The following ANK2 variants were observed in gnomAD, a reference collection of about 807,000 sequenced individuals.
ANK2 encodes ankyrin-2.
In ANK2, 83 loss-of-function variants were observed where a neutral mutation model predicts 360.5. The ratio of observed to expected loss-of-function variants is 0.23; its 90% CI spans 0.19 to 0.28. The LOEUF (loss-of-function observed/expected upper bound fraction) is 0.28. Among genes scored for constraint, ANK2 ranks in the 10% least tolerant of loss-of-function variants. ANK2 has a pLI of 1.00. For missense variants in ANK2, 4,201 were observed against 4,795.7 expected, an observed-to-expected ratio of 0.88 and a Z score of 3.66; for synonymous variants, 1,740 against 1,759.5, an observed-to-expected ratio of 0.99 and a Z score of 0.28.
the ANK2 span, among the ~76,000 whole-genome samples, chr4:112,730,252 C>CAAAAAAAAAAAAAA: frequency 7.9e-5 from 4 of 50,902 alleles, no homozygotes; most frequent in African/African-American, 8.4e-5. Flanking sequence ...GACTCTGTCT[C>CAAAAAAAAAAAAAA]AAAAAAAAAA....
At chr4:113,305,988 C>A (rs1320169885) in intron 23 of ANK2, among the ~76,000 whole-genome samples, 1 of 152,068 alleles carries the variant, frequency 6.6e-6, no homozygotes, top group African/African-American at 2.4e-5. Flanking sequence ...ATTGAGATAT[C>A]CTATCAGGCT....
intron 2 of ANK2, among the ~76,000 whole-genome samples, chr4:112,976,816 T>G (rs1312573548): frequency 2.0e-5 from 3 of 152,222 alleles, no homozygotes; most frequent in Non-Finnish European, 4.4e-5. Flanking sequence ...CAATTAAGTC[T>G]GCCCTTAGAA....
intron 1 of ANK2, among the ~76,000 whole-genome samples, chr4:112,819,154 A>G (rs775198552): frequency 7.4e-5 from 11 of 149,002 alleles, no homozygotes; most frequent in Middle Eastern, 3.5e-3. Context: ...TCCTGAGCAT[A>G]TAACATTAAG....
At chr4:113,351,084 T>C (rs956478420) in intron 37 of ANK2, among the ~76,000 whole-genome samples, 1 of 152,162 alleles carries the variant, frequency 6.6e-6, no homozygotes, top group African/African-American at 2.4e-5. Context: ...AGTGACTCTC[T>C]GGCTTCTTGT....
chr4:112,895,993 C>G (rs1328115723), intron 1 of ANK2, among the ~76,000 whole-genome samples: 1 of 152,184 alleles, frequency 6.6e-6, no homozygotes, highest in African/African-American at 2.4e-5. Context: ...CTCATTTTGC[C>G]TCAGCATGCT....
At chr4:112,900,082 G>T (rs908032336) in intron 1 of ANK2, among the ~76,000 whole-genome samples, 5 of 152,246 alleles carry the variant, frequency 3.3e-5, no homozygotes, top group African/African-American at 1.2e-4. Context: ...GGTGTCTCAT[G>T]TATCCACTTA....
At position 113,288,372 on chromosome 4, in the gene ANK2, T is replaced by G. The variant is rs770417604; in HGVS notation, c.2179-16T>G. On this transcript the variant is annotated splice_polypyrimidine_tract_variant and intron_variant, in intron 19 of 45. Coordinates refer to ENST00000357077, the MANE Select transcript of ANK2 (RefSeq NM_001148.6). ...TTCTACTTTATCTATTTTTAACTTT[T>G]TATTATTATTTACAGCTTGGTTACA... The G allele has an allele frequency of 2.5e-6, 4 of 1,605,542 alleles. No homozygotes were observed. Among genetic ancestry groups the G allele is most frequent in the Non-Finnish European group, 3.4e-6 (4 of 1,172,754 alleles).
At position 113,331,910 on chromosome 4, in the gene ANK2, G is replaced by A. The variant is rs1298825954; in HGVS notation, c.3126-62G>A. On this transcript the variant is annotated intron_variant, in intron 27 of 45. Transcript: ENST00000357077. ...TCAGCTGGCGACGCTGGGGTTCTGT[G>A]GAAGACAATACCTGAAGCTTACCTA... The A allele has an allele frequency of 8.8e-6, 13 of 1,473,234 alleles. 1 individual carries two copies. In the African/African-American group the frequency reaches 1.3e-4, roughly 14 times the overall value. The allele number at this position is 1,473,234 out of a possible 1,614,324, so 91.3% of individuals were successfully genotyped here. A position where few individuals can be genotyped will look rare whatever the true frequency, so the allele number is the denominator to read the frequency against.
chr4:113,316,664 A>G (rs2083131730), intron 24 of ANK2, among the ~76,000 whole-genome samples: 1 of 152,218 alleles, frequency 6.6e-6, no homozygotes, highest in Non-Finnish European at 1.5e-5. Context: ...TATTTTGAAC[A>G]CAGATCTTTA....
chr4:113,281,023 G>A (rs963289020), intron 17 of ANK2, among the ~76,000 whole-genome samples: 2 of 152,108 alleles, frequency 1.3e-5, no homozygotes, highest in African/African-American at 4.8e-5. Flanking sequence ...CCCTGAAAAG[G>A]CTTCCAAGCT....
chr4:113,167,278 A>C (rs1583605948), intron 1 of ANK2, among the ~76,000 whole-genome samples: 1 of 149,296 alleles, frequency 6.7e-6, no homozygotes, highest in South Asian at 2.1e-4. Flanking sequence ...ATGGGTTCTC[A>C]CTCTGTTGCC....
At chr4:112,864,946 G>A (rs2069752343) in intron 1 of ANK2, among the ~76,000 whole-genome samples, 1 of 146,810 alleles carries the variant, frequency 6.8e-6, no homozygotes, top group South Asian at 2.2e-4. Context: ...GCAGGAGAAT[G>A]GCGTGAACCC....
chr4:113,189,756 C>A (rs2153349885), intron 2 of ANK2, among the ~76,000 whole-genome samples: 2 of 152,256 alleles, frequency 1.3e-5, no homozygotes, highest in East Asian at 3.9e-4. Context: ...ACCGTTGGTG[C>A]CTGGAGGCAT....
At chr4:112,747,770 A>G in the ANK2 span, among the ~76,000 whole-genome samples, 2 of 152,198 alleles carry the variant, frequency 1.3e-5, no homozygotes, top group African/African-American at 4.8e-5. Context: ...AGAAGACATT[A>G]AATACCAGAC....
chr4:113,095,439 A>C (rs2090581540), intron 1 of ANK2, among the ~76,000 whole-genome samples: 1 of 152,146 alleles, frequency 6.6e-6, no homozygotes, highest in Non-Finnish European at 1.5e-5. Flanking sequence ...TTTGATTTGG[A>C]GTCATTTTAA....
At chr4:113,334,801 A>G (rs1258286055) in intron 29 of ANK2, among the ~76,000 whole-genome samples, 2 of 138,740 alleles carry the variant, frequency 1.4e-5, no homozygotes, top group South Asian at 2.4e-4. Context: ...ATTACTAGAA[A>G]GTTAATAGAT....
intron 1 of ANK2, among the ~76,000 whole-genome samples, chr4:112,882,975 G>T (rs1269317991): frequency 1.4e-5 from 2 of 142,068 alleles, no homozygotes; most frequent in Non-Finnish European, 3.0e-5. Flanking sequence ...GCTGCAATGT[G>T]CTCCGTGTGG....
chr4:113,289,469 C>T (rs193002794), intron 20 of ANK2, among the ~76,000 whole-genome samples: 2 of 152,170 alleles, frequency 1.3e-5, no homozygotes, highest in African/African-American at 4.8e-5. Flanking sequence ...CCTTGGCCAA[C>T]CAAAGTGCTG....
At chr4:112,845,893 T>A (rs1243009486) in intron 1 of ANK2, among the ~76,000 whole-genome samples, 1 of 152,238 alleles carries the variant, frequency 6.6e-6, no homozygotes, top group Non-Finnish European at 1.5e-5. Context: ...ACTTCCTTCC[T>A]TATTTCTGGT....
Sources: allele counts gnomAD v4.1 joint callset (sites outside exome capture counted in the v4.1 genomes callset), GRCh38; gene constraint gnomAD v4.1.1; transcripts MANE v1.5; gene names NCBI Gene and HGNC (gene_info 2026-07-23, HGNC 2026-07-21).